The following BIN1 variants were observed in gnomAD, a reference collection of about 807,000 sequenced individuals.
The protein encoded by BIN1 is bridging integrator 1.
BIN1 carries 53 observed loss-of-function variants against 82.0 expected under a neutral mutation model. The observed-to-expected ratio is 0.65, with a 90% CI of 0.52 to 0.81. The LOEUF is 0.81. Among genes scored for constraint, BIN1 ranks in the 40% least tolerant of loss-of-function variants. BIN1 has a pLI of 0.00. For synonymous variants in BIN1, 302 were observed against 328.0 expected, an observed-to-expected ratio of 0.92 and a Z score of 0.86; for missense variants, 642 against 784.4, an observed-to-expected ratio of 0.82 and a Z score of 2.17.
intron 1 of BIN1, among the ~76,000 whole-genome samples, chr2:127,077,120 A>C (rs1359686170): frequency 2.6e-5 from 4 of 152,306 alleles, no homozygotes; most frequent in Admixed American, 2.6e-4. Context: ...ACTTCTCCGC[A>C]TGACTCTATT....
intron 1 of BIN1, 43 bp downstream of exon 1, chr2:127,106,817 G>A (rs756667218): frequency 7.0e-6 from 11 of 1,562,436 alleles, no homozygotes; most frequent in African/African-American, 2.7e-5. Context: ...GGGGCTCCGC[G>A]GCGGCTGGGA....
At chr2:127,078,325 T>TG (rs1686879369) in intron 1 of BIN1, among the ~76,000 whole-genome samples, 1 of 152,172 alleles carries the variant, frequency 6.6e-6, no homozygotes, top group South Asian at 2.1e-4. Flanking sequence ...TGTCCTGACA[T>TG]GGGGGAACAC....
At chr2:127,076,750 G>A in intron 1 of BIN1, 44 bp from the exon 2 acceptor site, 2 of 1,610,166 alleles carry the variant, frequency 1.2e-6, no homozygotes, top group Non-Finnish European at 1.7e-6. Flanking sequence ...CCTTGGAAAG[G>A]AGAGTGGTCA....
At chr2:127,099,857 G>C (rs913348378) in intron 1 of BIN1, among the ~76,000 whole-genome samples, 10 of 150,738 alleles carry the variant, frequency 6.6e-5, no homozygotes, top group African/African-American at 2.5e-4. Context: ...AGGCCGGAGT[G>C]CAGTGGTGTG....
In BIN1 at chr2:127,106,921, C is replaced by T; in HGVS notation, c.23G>A (p.Gly8Glu). MAEMGSKGVTAGKIASNV... is the reference protein window; with the variant it reads MAEMGSKEVTAGKIASNV... ...GCTGGCGATCTTTCCCGCCGTCACC[C>T]CTTTACTGCCCATCTCTGCCATCGC... Residue 8 changes from glycine to glutamate, a missense_variant, in exon 1 of 19, where the codon GGG becomes GAG. Coordinates refer to ENST00000316724, the MANE Select transcript of BIN1 (RefSeq NM_139343.3). 6.2e-7 allele frequency: 1 copy of T among 1,612,636 alleles called. No individual in the cohort carries two copies. Among genetic ancestry groups the T allele is most frequent in the Non-Finnish European group, 8.5e-7 (1 of 1,179,582 alleles).
chr2:127,062,321 CA>C, intron 9 of BIN1, 124 bp from the exon 10 acceptor site: 1 of 975,992 alleles, frequency 1.0e-6, no homozygotes, highest in South Asian at 1.4e-5. Flanking sequence ...CCTCTTTCCC[CA>C]TCTGTGAGAG....
intron 1 of BIN1, among the ~76,000 whole-genome samples, chr2:127,081,088 G>T (rs995857190): frequency 6.6e-6 from 1 of 152,158 alleles, no homozygotes; most frequent in Non-Finnish European, 1.5e-5. Context: ...AGGGAGTCCT[G>T]CCACCCTCCA....
At chr2:127,062,056 AG>A in intron 10 of BIN1, 58 bp downstream of exon 10, 1 of 1,541,438 alleles carries the variant, frequency 6.5e-7, no homozygotes, top group South Asian at 1.2e-5. Flanking sequence ...GGTCACAGGA[AG>A]GAGCCCTGCC....
At chr2:127,070,891 C>T in intron 2 of BIN1, 75 bp from the exon 3 acceptor site, 4 of 1,464,774 alleles carry the variant, frequency 2.7e-6, no homozygotes, top group Non-Finnish European at 3.7e-6. Flanking sequence ...TTCCTGCCAC[C>T]CTCACGTGAA....
chr2:127,069,731 A>AACACACACACACACAC (rs3832046), intron 5 of BIN1, among the ~76,000 whole-genome samples: 4 of 147,586 alleles, frequency 2.7e-5, no homozygotes, highest in African/African-American at 1.0e-4. Context: ...ACTCCGCAGC[A>AACACACACACACACAC]ACACACACAC....
intron 15 of BIN1, 127 bp downstream of exon 15, chr2:127,052,128 C>A: frequency 9.6e-7 from 1 of 1,045,114 alleles, no homozygotes; most frequent in South Asian, 1.4e-5. Flanking sequence ...TAGCTCAGGA[C>A]CCTGTCCTCA....
At chr2:127,063,461 G>T in intron 9 of BIN1, 110 bp downstream of exon 9, 1 of 1,204,296 alleles carries the variant, frequency 8.3e-7, no homozygotes, top group Non-Finnish European at 1.2e-6. Flanking sequence ...TCACCGGTGT[G>T]TGCTGAACCT....
intron 1 of BIN1, among the ~76,000 whole-genome samples, chr2:127,083,138 G>A (rs72846701): frequency 0.14 from 20,264 of 149,096 alleles, 1,777 homozygotes; most frequent in Non-Finnish European, 0.19. Context: ...CCAAGCTAGA[G>A]TACATGGCGC....
At chr2:127,089,606 C>A (rs1200746434) in intron 1 of BIN1, among the ~76,000 whole-genome samples, 1 of 152,066 alleles carries the variant, frequency 6.6e-6, no homozygotes, top group Non-Finnish European at 1.5e-5. Flanking sequence ...CTGGACACAC[C>A]CCACCGTCAG....
In BIN1 at chr2:127,052,262, G is replaced by A. The variant is rs1358763305; in HGVS notation, c.1364C>T (p.Pro455Leu). The A allele has an allele frequency of 6.4e-7, 1 of 1,572,574 alleles. No homozygotes were observed. The highest frequency in any genetic ancestry group is 8.6e-7 in the Non-Finnish European group (1 of 1,158,444). Residue 455 changes from proline (P) to leucine (L), a missense_variant, in exon 15 of 19, where the codon CCT becomes CTT. Coordinates refer to ENST00000316724, the MANE Select transcript of BIN1 (RefSeq NM_139343.3). ...CTGGAGGTGGGCACTTACTTGGGCA[G>A]GCCCCGGCTCGGCCGTCTGGCTGGG... ...SWPSQTAEPG[P>L]AQPAEASEVA...
chr2:127,052,329 CGGAAGGCAG>C lies in BIN1; in HGVS notation c.1288_1296del (p.Leu430_Ser432del). ...GTGCCCTCGGCAGCGCTGGGCTCCC[CGGAAGGCAG>C]GCTGCCGGCTGGACTCTCTGTGGGC... On this transcript the variant is annotated inframe_deletion, in exon 15 of 19. Coordinates refer to ENST00000316724, the MANE Select transcript of BIN1 (RefSeq NM_139343.3). 1 of 1,587,060 alleles carries C rather than the reference CGGAAGGCAG, an allele frequency of 6.3e-7. No individual in the cohort carries two copies. The highest frequency in any genetic ancestry group is 8.6e-7 in the Non-Finnish European group (1 of 1,167,288).
intron 9 of BIN1, 31 bp from the exon 10 acceptor site, chr2:127,062,228 C>T (rs758072566): frequency 6.3e-7 from 1 of 1,576,026 alleles, no homozygotes; most frequent in Non-Finnish European, 8.6e-7. Context: ...AGGTGGGGGG[C>T]CTCCAAGGCC....
Position 127,070,547 on chromosome 2 carries a change from G to A in BIN1, c.315+6C>T. 2 of 1,613,906 alleles carry A rather than the reference G, an allele frequency of 1.2e-6. No homozygotes were observed. The highest frequency in any genetic ancestry group is 1.7e-6 in the Non-Finnish European group (2 of 1,179,994). On this transcript the variant is annotated splice_donor_region_variant and intron_variant, in intron 4 of 18. Coordinates refer to ENST00000316724, the MANE Select transcript of BIN1 (RefSeq NM_139343.3). ...AGAAGGGCAGGCCCACCTGTCCCAT[G>A]CTCACCTCTGCGATCTTGTTTGCCT...
At position 127,053,944 on chromosome 2, in the gene BIN1, G is replaced by A. The variant is rs1389901756; in HGVS notation, c.1200C>T (p.Pro400=). ...TGGGTGCCTTCACAGGGCTCGTCAC[G>A]GGCGGGAGGGGGTCAAAGTCCAGGT... ...LLDLDFDPLP[P]VTSPVKAPTP... The change falls in exon 13 of 19, where the codon CCC becomes CCT. Residue 400 remains proline, a synonymous_variant. Coordinates refer to ENST00000316724, the MANE Select transcript of BIN1 (RefSeq NM_139343.3). 19 of 1,551,518 alleles carry A rather than the reference G, an allele frequency of 1.2e-5. 1 individual carries two copies. The highest frequency in any genetic ancestry group is 1.2e-4 in the South Asian group (10 of 84,076).
Sources: allele counts gnomAD v4.1 joint callset (sites outside exome capture counted in the v4.1 genomes callset), GRCh38; gene constraint gnomAD v4.1.1; transcripts MANE v1.5; gene names NCBI Gene and HGNC (gene_info 2026-07-23, HGNC 2026-07-21).